The following PHYHIPL variants were observed in gnomAD, a reference collection of about 807,000 sequenced individuals.
PHYHIPL encodes phytanoyl-CoA hydroxylase-interacting protein-like.
Under a neutral mutation model 33.4 loss-of-function variants are expected in PHYHIPL, and 9 were observed. The ratio of observed to expected loss-of-function variants is 0.27; its 90% CI spans 0.16 to 0.47. The LOEUF is 0.47. Ranked by LOEUF, PHYHIPL falls within the 20% of genes least tolerant of loss-of-function variation. The pLI is 0.99. For synonymous variants in PHYHIPL, 153 were observed against 154.1 expected (o/e 0.99, Z 0.05); for missense variants, 365 against 460.7 (o/e 0.79, Z 1.90).
At chr10:59,179,489 GA>G (rs1047516087) in intron 1 of PHYHIPL, among the ~76,000 whole-genome samples, 16 of 151,650 alleles carry the variant, frequency 1.1e-4, no homozygotes, top group Non-Finnish European at 2.2e-4. Flanking sequence ...ATTTGGTGAT[GA>G]AAAAAAATGA....
Position 59,245,871 on chromosome 10 carries a change from C to A in PHYHIPL, c.*280C>A. The A allele has an allele frequency of 2.8e-6, 1 of 362,070 alleles. No homozygotes were observed. Among genetic ancestry groups the A allele is most frequent in the South Asian group, 4.6e-5 (1 of 21,602 alleles). 22.4% of individuals were successfully genotyped at this position (362,070 alleles called of 1,614,324 possible). A position where few individuals can be genotyped will look rare whatever the true frequency, so the allele number is the denominator to read the frequency against. ...GCAATGTTTTTATGTTTCCTTTATG[C>A]CAAACATAACAAAACAGTTATATAG... On this transcript the variant is annotated 3_prime_UTR_variant, in exon 5 of 5. Coordinates refer to ENST00000373880, the MANE Select transcript of PHYHIPL (RefSeq NM_032439.4).
chr10:59,245,742 C>A lies in PHYHIPL; in HGVS notation c.*151C>A. On this transcript the variant is annotated 3_prime_UTR_variant, in exon 5 of 5. Transcript: ENST00000373880. ...CAACTACCACTTTCCAAATTTCATT[C>A]AGAACCATTTTAGTGTTTTCCTATT... 1.2e-6 allele frequency: 1 copy of A among 817,856 alleles called. No homozygotes were observed. The highest frequency in any genetic ancestry group is 1.8e-6 in the Non-Finnish European group (1 of 540,614). The allele number at this position is 817,856 out of a possible 1,614,324, so 50.7% of individuals were successfully genotyped here.
At chr10:59,219,177 A>G in intron 1 of PHYHIPL, 1 of 806,610 alleles carries the variant, frequency 1.2e-6, no homozygotes, top group Non-Finnish European at 1.5e-6. Flanking sequence ...TCATAATCAT[A>G]TTTGGATTGT....
upstream of PHYHIPL, chr10:59,176,611 C>T (rs1221402013): frequency 1.7e-5 from 6 of 348,868 alleles, no homozygotes; most frequent in Non-Finnish European, 3.1e-5. Flanking sequence ...CGCGCGCCTC[C>T]CATCCTCGCG....
upstream of PHYHIPL, among the ~76,000 whole-genome samples, chr10:59,174,754 T>A (rs1033391825): frequency 2.6e-5 from 4 of 152,196 alleles, no homozygotes; most frequent in African/African-American, 9.6e-5. Context: ...ATTTTGGAGA[T>A]CTTCCTGACC....
At position 59,184,785 on chromosome 10, in the gene PHYHIPL, C is replaced by A. The variant is rs183676676; in HGVS notation, c.106+7826C>A. 3.3e-5 allele frequency among the ~76,000 whole-genome samples: 5 copies of A among 151,846 alleles called. No individual in the cohort carries two copies. The East Asian group carries it at 7.8e-4, about 24-fold the overall frequency. ...TTAGCATTAGGTATATTTCTTAATG[C>A]TATCCCTCCCCCCCTCCCCCAACCC... On this transcript the variant is annotated intron_variant, in intron 1 of 4. Coordinates refer to ENST00000373880, the MANE Select transcript of PHYHIPL (RefSeq NM_032439.4).
intron 1 of PHYHIPL, among the ~76,000 whole-genome samples, chr10:59,218,064 C>G (rs1053370488): frequency 6.6e-6 from 1 of 152,086 alleles, no homozygotes; most frequent in African/African-American, 2.4e-5. Flanking sequence ...CGGAGTCATC[C>G]AAGTCCCTGA....
intron 1 of PHYHIPL, among the ~76,000 whole-genome samples, chr10:59,219,769 A>G (rs1839711639): frequency 6.6e-6 from 1 of 152,162 alleles, no homozygotes; most frequent in Non-Finnish European, 1.5e-5. Context: ...AGTTGACATC[A>G]GTAAGGACAG....
intron 1 of PHYHIPL, among the ~76,000 whole-genome samples, chr10:59,192,995 G>A (rs1838820459): frequency 6.6e-6 from 1 of 152,096 alleles, no homozygotes; most frequent in African/African-American, 2.4e-5. Context: ...GAATAAAGAT[G>A]AAAATTTGGT....
chr10:59,200,454 T>C (rs939375389), intron 1 of PHYHIPL, among the ~76,000 whole-genome samples: 2 of 152,186 alleles, frequency 1.3e-5, no homozygotes, highest in African/African-American at 4.8e-5. Context: ...CTGGATTTGG[T>C]TTGCCAGGAT....
At chr10:59,244,653 A>G (rs1840581426) in intron 4 of PHYHIPL, among the ~76,000 whole-genome samples, 1 of 151,382 alleles carries the variant, frequency 6.6e-6, no homozygotes, top group Admixed American at 6.6e-5. Context: ...GACTAAATCT[A>G]TCATGCTTTA....
chr10:59,194,213 C>G (rs1291805126), intron 1 of PHYHIPL, among the ~76,000 whole-genome samples: 1 of 151,332 alleles, frequency 6.6e-6, no homozygotes, highest in East Asian at 1.9e-4. Flanking sequence ...TCCTGAGTAG[C>G]TGGGATTACA....
At chr10:59,187,895 G>A (rs1172734364) in intron 1 of PHYHIPL, among the ~76,000 whole-genome samples, 2 of 151,980 alleles carry the variant, frequency 1.3e-5, no homozygotes, top group African/African-American at 2.4e-5. Context: ...TATCCATTTT[G>A]TTGATCTTTT....
At chr10:59,192,301 A>AT (rs1290028652) in intron 1 of PHYHIPL, among the ~76,000 whole-genome samples, 1 of 152,152 alleles carries the variant, frequency 6.6e-6, no homozygotes, top group East Asian at 1.9e-4. Context: ...ATTAAAAAAT[A>AT]TTTAAGTCAT....
rs551209770 is a variant in PHYHIPL at position 59,201,567 on chromosome 10, G to A, written c.106+24608G>A. On this transcript the variant is annotated intron_variant, in intron 1 of 4. Coordinates refer to ENST00000373880, the MANE Select transcript of PHYHIPL (RefSeq NM_032439.4). ...GGGGTGGAGAGTTCTGTAGATGTCTGTTAGGTCCGCTTGGTGCAGAGCTGA... is the reference window on the plus strand; with the variant it reads ...GGGGTGGAGAGTTCTGTAGATGTCTATTAGGTCCGCTTGGTGCAGAGCTGA... Among the ~76,000 whole-genome samples, 6 of 152,142 alleles carry A rather than the reference G, an allele frequency of 3.9e-5. No individual in the cohort carries two copies. In the South Asian group the frequency reaches 6.2e-4, roughly 16 times the overall value.
intron 1 of PHYHIPL, among the ~76,000 whole-genome samples, chr10:59,185,571 A>G (rs565694306): frequency 2.0e-5 from 3 of 152,318 alleles, no homozygotes; most frequent in East Asian, 3.9e-4. Flanking sequence ...ACTAGTTTAC[A>G]GTCCCAGCAA....
intron 1 of PHYHIPL, chr10:59,219,235 T>G: frequency 1.1e-6 from 1 of 936,976 alleles, no homozygotes; most frequent in Non-Finnish European, 1.3e-6. Context: ...AGTGATTAAG[T>G]AGGAAGCCAA....
At chr10:59,237,358 G>T (rs1389156295) in intron 3 of PHYHIPL, among the ~76,000 whole-genome samples, 1 of 151,852 alleles carries the variant, frequency 6.6e-6, no homozygotes, top group Non-Finnish European at 1.5e-5. Flanking sequence ...GCACTTCAGT[G>T]TTAATGGGAT....
At chr10:59,197,633 A>G (rs527626549) in intron 1 of PHYHIPL, among the ~76,000 whole-genome samples, 1 of 152,136 alleles carries the variant, frequency 6.6e-6, no homozygotes, top group Non-Finnish European at 1.5e-5. Context: ...CTCTTCTTTA[A>G]CATTTATAAC....
Sources: allele counts gnomAD v4.1 joint callset (sites outside exome capture counted in the v4.1 genomes callset), GRCh38; gene constraint gnomAD v4.1.1; transcripts MANE v1.5; gene names NCBI Gene and HGNC (gene_info 2026-07-23, HGNC 2026-07-21).